XKR6: variants seen among roughly 807,000 people sequenced by gnomAD.
XKR6 encodes the protein XK-related protein 6.
In XKR6, 22 loss-of-function variants were observed where a neutral mutation model predicts 56.7. The ratio of observed to expected loss-of-function variants is 0.39; its 90% CI spans 0.28 to 0.55. The LOEUF is 0.55. Ranked by LOEUF, XKR6 falls within the 20% of genes least tolerant of loss-of-function variation. The pLI, the probability that XKR6 is intolerant of heterozygous loss-of-function variation, is 0.66. For synonymous variants in XKR6, 524 were observed against 387.8 expected (o/e 1.35, Z -4.13); for missense variants, 852 against 889.0 (o/e 0.96, Z 0.53).
Position 10,990,618 on chromosome 8 carries a change from G to C in XKR6, c.765-65788C>G, listed in dbSNP as rs1486202417. Among the ~76,000 whole-genome samples, 4 of 152,056 alleles carry C rather than the reference G, an allele frequency of 2.6e-5. No individual in the cohort carries two copies. The East Asian group carries it at 7.7e-4, about 29-fold the overall frequency. On this transcript the variant is annotated intron_variant, in intron 1 of 2. Transcript: ENST00000416569. ...TTGTTGCTGTTATTGCTGAGACAGGGTCTCACTCTGTCACCCAACTGTGCA... is the reference window on the plus strand; with the variant it reads ...TTGTTGCTGTTATTGCTGAGACAGGCTCTCACTCTGTCACCCAACTGTGCA...
At chr8:11,144,789 T>C (rs550554209) in intron 1 of XKR6, among the ~76,000 whole-genome samples, 1 of 150,296 alleles carries the variant, frequency 6.7e-6, no homozygotes, top group Non-Finnish European at 1.5e-5. Flanking sequence ...AAAGTCCTCA[T>C]CTCCAGAGCC....
At chr8:10,952,342 C>T (rs1358154577) in intron 1 of XKR6, among the ~76,000 whole-genome samples, 1 of 152,276 alleles carries the variant, frequency 6.6e-6, no homozygotes, top group Non-Finnish European at 1.5e-5. Flanking sequence ...ATTGTATGCA[C>T]AGTCCATAAA....
At chr8:11,193,169 C>T (rs980608601) in intron 1 of XKR6, among the ~76,000 whole-genome samples, 3 of 152,096 alleles carry the variant, frequency 2.0e-5, no homozygotes, top group Non-Finnish European at 4.4e-5. Context: ...CTAATTTCTT[C>T]CTAGAAATGA....
intron 1 of XKR6, among the ~76,000 whole-genome samples, chr8:10,977,244 C>G (rs1465936534): frequency 1.3e-5 from 2 of 152,098 alleles, no homozygotes; most frequent in Non-Finnish European, 2.9e-5. Context: ...GGGTGGCCTG[C>G]CTGAAACCAT....
chr8:11,075,293 G>C (rs1279829742), intron 1 of XKR6, among the ~76,000 whole-genome samples: 3 of 152,202 alleles, frequency 2.0e-5, no homozygotes, highest in Non-Finnish European at 4.4e-5. Flanking sequence ...AAAGAGCCTG[G>C]ACTTTGCTCA....
At chr8:11,165,084 T>C in intron 1 of XKR6, among the ~76,000 whole-genome samples, 1 of 144,996 alleles carries the variant, frequency 6.9e-6, no homozygotes, top group East Asian at 2.0e-4. Context: ...TTCCCTAGGC[T>C]ATCACCTTTT....
At chr8:10,974,618 C>A (rs550974325) in intron 1 of XKR6, among the ~76,000 whole-genome samples, 2 of 152,226 alleles carry the variant, frequency 1.3e-5, no homozygotes, top group Non-Finnish European at 2.9e-5. Context: ...CAGTGAGAGG[C>A]TGGGTTAACA....
intron 1 of XKR6, among the ~76,000 whole-genome samples, chr8:11,168,467 A>G (rs1802196872): frequency 6.6e-6 from 1 of 152,222 alleles, no homozygotes; most frequent in African/African-American, 2.4e-5. Flanking sequence ...AATACATCCT[A>G]TTCAATAACA....
At chr8:10,909,910 G>C (rs1042673758) in intron 2 of XKR6, among the ~76,000 whole-genome samples, 1 of 151,942 alleles carries the variant, frequency 6.6e-6, no homozygotes, top group Non-Finnish European at 1.5e-5. Flanking sequence ...TGAGGCTCAG[G>C]GAGGTAAAAG....
At chr8:11,059,453 C>T (rs886399823) in intron 1 of XKR6, among the ~76,000 whole-genome samples, 1 of 152,144 alleles carries the variant, frequency 6.6e-6, no homozygotes, top group African/African-American at 2.4e-5. Context: ...GTCCCCGCGC[C>T]GGCGCCGAGA....
chr8:11,085,920 C>T (rs1797871559), intron 1 of XKR6, among the ~76,000 whole-genome samples: 1 of 151,992 alleles, frequency 6.6e-6, no homozygotes, highest in Non-Finnish European at 1.5e-5. Context: ...CAGGTGGGAC[C>T]CAGGAATCTG....
At chr8:10,986,627 G>A (rs1797870522) in intron 1 of XKR6, among the ~76,000 whole-genome samples, 1 of 152,146 alleles carries the variant, frequency 6.6e-6, no homozygotes, top group Admixed American at 6.5e-5. Flanking sequence ...GAGGGAACAA[G>A]CTTTAGAATT....
intron 1 of XKR6, among the ~76,000 whole-genome samples, chr8:11,114,773 G>GCGTGTGTA (rs1554461879): frequency 6.8e-6 from 1 of 146,502 alleles, no homozygotes; most frequent in African/African-American, 2.5e-5. Context: ...GTGTGTGTGT[G>GCGTGTGTA]TATGTGCCAG....
intron 1 of XKR6, among the ~76,000 whole-genome samples, chr8:11,117,487 G>A (rs1423190032): frequency 1.3e-5 from 2 of 152,224 alleles, no homozygotes; most frequent in Non-Finnish European, 2.9e-5. Context: ...CGTGGAGACA[G>A]CGGCTGGCCA....
intron 1 of XKR6, among the ~76,000 whole-genome samples, chr8:10,977,826 G>A (rs936540815): frequency 1.3e-5 from 2 of 151,704 alleles, no homozygotes; most frequent in African/African-American, 4.8e-5. Context: ...GATCCAGTGA[G>A]CTAATTTTTG....
intron 1 of XKR6, among the ~76,000 whole-genome samples, chr8:11,177,234 C>G (rs965950033): frequency 4.6e-5 from 7 of 152,346 alleles, no homozygotes; most frequent in Middle Eastern, 3.4e-3. Flanking sequence ...AGACTCTTTC[C>G]TGCTCTCCTA....
intron 1 of XKR6, among the ~76,000 whole-genome samples, chr8:10,954,681 T>G (rs1180857477): frequency 6.6e-6 from 1 of 152,124 alleles, no homozygotes; most frequent in Admixed American, 6.5e-5. Context: ...TCTGTCCATG[T>G]TTTCTTTTGT....
At chr8:11,183,299 A>G (rs11989428) in intron 1 of XKR6, among the ~76,000 whole-genome samples, 5,365 of 152,186 alleles carry the variant, frequency 0.035, 327 homozygotes, top group African/African-American at 0.12. Flanking sequence ...TTTCCACAGC[A>G]GCTGCCCCAT....
intron 1 of XKR6, among the ~76,000 whole-genome samples, chr8:11,070,213 C>T (rs539445152): frequency 6.6e-6 from 1 of 152,296 alleles, no homozygotes; most frequent in Non-Finnish European, 1.5e-5. Flanking sequence ...TGTCACTACT[C>T]ATGTATTTGC....
Sources: gnomAD v4.1 joint callset for allele counts (sites outside exome capture counted in the v4.1 genomes callset) on GRCh38, gnomAD v4.1.1 for gene constraint, MANE v1.5 for transcripts, NCBI Gene and HGNC (gene_info 2026-07-23, HGNC 2026-07-21) for gene names.